Variants in SDK2 observed in about 807,000 individuals in gnomAD.
SDK2 encodes the protein protein sidekick-2.
Under a neutral mutation model 253.9 loss-of-function variants are expected in SDK2, and 105 were observed. The ratio of observed to expected loss-of-function variants is 0.41; its 90% CI spans 0.35 to 0.49. SDK2 has a LOEUF of 0.49. SDK2 is among the 20% of genes least tolerant of loss of function. The pLI is 0.06. For missense variants in SDK2, 2,608 were observed against 3,003.0 expected (o/e 0.87, Z 3.07); for synonymous variants, 1,249 against 1,234.9 (o/e 1.01, Z -0.24).
At position 73,643,957 on chromosome 17, in the gene SDK2, T is replaced by TGCCCCCCCCCCCCCCCCCCCCCCCCCA; in HGVS notation, c.64+67_64+68insTGGGGGGGGGGGGGGGGGGGGGGGGGC. The TGCCCCCCCCCCCCCCCCCCCCCCCCCA allele has an allele frequency of 9.8e-7, 1 of 1,020,000 alleles. No homozygotes were observed. 63.2% of individuals were successfully genotyped at this position (1,020,000 alleles called of 1,614,324 possible). ...GGAGGTCACCGTGAGGCCGGCCAGC[T>TGCCCCCCCCCCCCCCCCCCCCCCCCCA]CCCGCCGCCCCTCCCCCGCCCACTC... On this transcript the variant is annotated intron_variant, in intron 1 of 44. Transcript: ENST00000392650. The surrounding 1 kb of genome is among the most constrained non-coding windows in gnomAD (Gnocchi z 6.9).
chr17:73,475,213 G>A (rs1021973381), intron 2 of SDK2, among the ~76,000 whole-genome samples: 4 of 152,120 alleles, frequency 2.6e-5, no homozygotes, highest in Admixed American at 6.6e-5. Flanking sequence ...GTGCAGTGGT[G>A]TGATCTTGGC....
intron 2 of SDK2, among the ~76,000 whole-genome samples, chr17:73,502,368 T>A (rs1384691293): frequency 6.6e-6 from 1 of 152,184 alleles, no homozygotes; most frequent in Non-Finnish European, 1.5e-5. Context: ...CCGTGGGCTA[T>A]GAAGCTGGAC....
intron 38 of SDK2, among the ~76,000 whole-genome samples, chr17:73,364,275 A>G (rs777207228): frequency 2.8e-4 from 42 of 152,258 alleles, no homozygotes; most frequent in Non-Finnish European, 3.2e-4. Context: ...GGGGCTGCGC[A>G]GCCCAGCCTA....
chr17:73,589,538 C>G (rs956401598), intron 1 of SDK2, among the ~76,000 whole-genome samples: 2 of 152,248 alleles, frequency 1.3e-5, no homozygotes, highest in African/African-American at 4.8e-5. Flanking sequence ...GCTTACTCCA[C>G]AAGCCTCCAT....
chr17:73,407,749 T>C (rs1312710880), intron 18 of SDK2, among the ~76,000 whole-genome samples: 1 of 152,100 alleles, frequency 6.6e-6, no homozygotes, highest in Non-Finnish European at 1.5e-5. Flanking sequence ...AACCAATTCA[T>C]TATACGAAAA....
At chr17:73,550,253 C>G (rs1209764215) in intron 1 of SDK2, among the ~76,000 whole-genome samples, 1 of 152,134 alleles carries the variant, frequency 6.6e-6, no homozygotes, top group African/African-American at 2.4e-5. Context: ...AGGTAGGAGC[C>G]TCTGGTTCTC....
chr17:73,338,022 G>T lies in SDK2; in HGVS notation c.*565C>A, dbSNP rs1002651074. The T allele has an allele frequency of 7.8e-5, 13 of 165,906 alleles. No homozygotes were observed. The highest frequency in any genetic ancestry group is 2.9e-4 in the African/African-American group (12 of 41,618). 10.3% of individuals were successfully genotyped at this position (165,906 alleles called of 1,614,324 possible). On this transcript the variant is annotated 3_prime_UTR_variant, in exon 45 of 45. Coordinates refer to ENST00000392650, the MANE Select transcript of SDK2 (RefSeq NM_001144952.2). The surrounding 1 kb of genome is among the most constrained non-coding windows in gnomAD (Gnocchi z 5.0). ...TGGGCAGTAGAGGTTGCCAAGACAG[G>T]GCAGGGGGTCTGGATGAGGCTGTCC...
intron 1 of SDK2, among the ~76,000 whole-genome samples, chr17:73,617,193 G>T: frequency 6.8e-6 from 1 of 147,080 alleles, no homozygotes; most frequent in Non-Finnish European, 1.5e-5. Context: ...CAGGGGAGGG[G>T]AGGGGCCTCC....
chr17:73,565,889 T>TCTCAG (rs1363287265), intron 1 of SDK2, among the ~76,000 whole-genome samples: 1 of 152,226 alleles, frequency 6.6e-6, no homozygotes, highest in African/African-American at 2.4e-5. Flanking sequence ...AATAGCGCAA[T>TCTCAG]CTCAGCTCAC....
Position 73,408,773 on chromosome 17 carries a change from TA to T in SDK2, c.2484+5870del, listed in dbSNP as rs540289405. On this transcript the variant is annotated intron_variant, in intron 18 of 44. Transcript: ENST00000392650. ...AAGAATCTATAGATCGACTGAGACC[TA>T]AAAAAAACCCCTCAACTGACTGCAA... 1.9e-3 allele frequency among the ~76,000 whole-genome samples: 295 copies of T among 151,932 alleles called. 1 individual carries two copies. Among genetic ancestry groups the T allele is most frequent in the Admixed American group, 4.9e-3 (75 of 15,232 alleles).
intron 12 of SDK2, 143 bp from the exon 13 acceptor site, chr17:73,424,235 C>A (rs372898024): frequency 8.2e-5 from 55 of 669,480 alleles, no homozygotes; most frequent in African/African-American, 6.7e-4. Context: ...ACACTGGGAT[C>A]GGGGAGCGGG....
rs2046064239 is a variant in SDK2, at chr17:73,616,821, G to A, written c.64+27204C>T. ...TCCCACCATGAGATGCCTGGGGAAGGGGTCAGATTCCAGGGCTCAGGGACA... is the reference window on the plus strand; with the variant it reads ...TCCCACCATGAGATGCCTGGGGAAGAGGTCAGATTCCAGGGCTCAGGGACA... On this transcript the variant is annotated intron_variant, in intron 1 of 44. Transcript: ENST00000392650. The surrounding 1 kb of genome is among the most constrained non-coding windows in gnomAD (Gnocchi z 5.2). Among the ~76,000 whole-genome samples, 1 of 152,138 alleles carries A rather than the reference G, an allele frequency of 6.6e-6. No homozygotes were observed. The highest frequency in any genetic ancestry group is 6.5e-5 in the Admixed American group (1 of 15,278).
chr17:73,644,109 G>C lies in SDK2; in HGVS notation c.-21C>G. On this transcript the variant is annotated 5_prime_UTR_variant, in exon 1 of 45. Coordinates refer to ENST00000392650, the MANE Select transcript of SDK2 (RefSeq NM_001144952.2). The surrounding 1 kb of genome is among the most constrained non-coding windows in gnomAD (Gnocchi z 6.3). ...CACATGGTGACCAGCCTGGAGAGGG[G>C]TCCTCGGGGTCTCCCTTCCCTCCGC... The C allele has an allele frequency of 6.5e-7, 1 of 1,544,894 alleles. No homozygotes were observed. Among genetic ancestry groups the C allele is most frequent in the Non-Finnish European group, 8.8e-7 (1 of 1,141,180 alleles).
chr17:73,367,591 C>T (rs1247049304), intron 37 of SDK2, among the ~76,000 whole-genome samples: 1 of 152,102 alleles, frequency 6.6e-6, no homozygotes, highest in Admixed American at 6.5e-5. Flanking sequence ...CAACCTCCAC[C>T]TCCCGGGTTC....
In SDK2 at chr17:73,424,012, T is replaced by A. The variant is rs1568397325; in HGVS notation, c.1664A>T (p.His555Leu). The A allele has an allele frequency of 6.2e-7, 1 of 1,612,246 alleles. No individual in the cohort carries two copies. The highest frequency in any genetic ancestry group is 1.3e-5 in the African/African-American group (1 of 74,904). Residue 555 changes from histidine (H) to leucine (L), a missense_variant, in exon 13 of 45, where the codon CAC becomes CTC. This residue lies in a region of SDK2 where 1,505 missense variants were observed against 1,859.1 expected (regional missense o/e 0.81). Coordinates refer to ENST00000392650, the MANE Select transcript of SDK2 (RefSeq NM_001144952.2). ...RIRLDRNGSL[H>L]ISQTWSGDIG... ...GTCTCCCGACCACGTCTGTGAGATG[T>A]GCAGGGAGCCGTTTCTGTCCAGGCG... is the stretch of plus-strand genomic sequence containing the variant.
chr17:73,412,671 T>C (rs1304917387), intron 18 of SDK2, among the ~76,000 whole-genome samples: 1 of 152,068 alleles, frequency 6.6e-6, no homozygotes, highest in Admixed American at 6.6e-5. Flanking sequence ...ATCCCAGCAC[T>C]CTGGGAGGCC....
At chr17:73,346,404 T>C (rs182294999) in intron 44 of SDK2, among the ~76,000 whole-genome samples, 1 of 148,698 alleles carries the variant, frequency 6.7e-6, no homozygotes, top group Non-Finnish European at 1.5e-5. Flanking sequence ...GCTAAGTATA[T>C]ACATTTTTTT....
At chr17:73,436,599 A>AC in intron 8 of SDK2, among the ~76,000 whole-genome samples, 1 of 151,218 alleles carries the variant, frequency 6.6e-6, no homozygotes, top group East Asian at 1.9e-4. Flanking sequence ...AAAAAAAAAA[A>AC]AAAGACTTCC....
intron 33 of SDK2, among the ~76,000 whole-genome samples, chr17:73,382,297 C>T (rs1946644115): frequency 6.6e-6 from 1 of 152,118 alleles, no homozygotes; most frequent in Non-Finnish European, 1.5e-5. Context: ...CCCACACCCA[C>T]CTGAGTACCC....
Sources: gnomAD v4.1 joint callset for allele counts (sites outside exome capture counted in the v4.1 genomes callset) on GRCh38, gnomAD v4.1.1 for gene constraint, gnomAD v4.1.1 regional missense constraint, Gnocchi (gnomAD v3.1) non-coding constraint, MANE v1.5 for transcripts, NCBI Gene and HGNC (gene_info 2026-07-23, HGNC 2026-07-21) for gene names.